The following SUFU variants were observed in gnomAD, a reference collection of about 807,000 sequenced individuals.
The protein encoded by SUFU is suppressor of fused homolog.
SUFU carries 7 observed loss-of-function variants against 58.9 expected under a neutral mutation model. The ratio of observed to expected loss-of-function variants is 0.12; its 90% CI spans 0.07 to 0.22. SUFU has a LOEUF of 0.22. Among genes scored for constraint, SUFU ranks in the 10% least tolerant of loss-of-function variants. The probability of loss-of-function intolerance (pLI) is 1.00; values close to 1 mark genes in which losing one functional copy is unlikely to be tolerated. For synonymous variants in SUFU, 232 were observed against 254.8 expected (o/e 0.91, Z 0.85); for missense variants, 451 against 641.3 (o/e 0.70, Z 3.20).
intron 8 of SUFU, among the ~76,000 whole-genome samples, chr10:102,607,059 A>AT (rs1278053399): frequency 7.9e-6 from 1 of 127,014 alleles, no homozygotes; most frequent in Non-Finnish European, 1.7e-5. Flanking sequence ...TGGTAAGAGT[A>AT]ATTTTTTTTT....
intron 2 of SUFU, among the ~76,000 whole-genome samples, chr10:102,538,937 C>T (rs2062770806): frequency 6.6e-6 from 1 of 152,214 alleles, no homozygotes. Flanking sequence ...AGACTGTGCT[C>T]TGGCACTGCT....
rs545358426 is a variant in SUFU at position 102,599,177 on chromosome 10, C to T, written c.911-256C>T. 3.9e-5 allele frequency among the ~76,000 whole-genome samples: 6 copies of T among 152,240 alleles called. No individual in the cohort carries two copies. The South Asian group carries it at 8.3e-4, about 21-fold the overall frequency. On this transcript the variant is annotated intron_variant, in intron 7 of 11. Coordinates refer to ENST00000369902, the MANE Select transcript of SUFU (RefSeq NM_016169.4). ...CAGGAAAGAAAAGGATGGTGGAGAGCGCTCTTCTGAACTCTAGAGGCTGCC... is the reference window on the plus strand; with the variant it reads ...CAGGAAAGAAAAGGATGGTGGAGAGTGCTCTTCTGAACTCTAGAGGCTGCC...
intron 2 of SUFU, among the ~76,000 whole-genome samples, chr10:102,533,408 CAAAA>C (rs1185623999): frequency 2.0e-5 from 2 of 100,780 alleles, no homozygotes; most frequent in Non-Finnish European, 4.2e-5. Flanking sequence ...CCCATCTCTA[CAAAA>C]AAAAAAAAAA....
chr10:102,572,893 G>A (rs1372815423), intron 3 of SUFU: 2 of 823,500 alleles, frequency 2.4e-6, no homozygotes, highest in East Asian at 4.8e-5. Flanking sequence ...CTTCTTCACA[G>A]CCTATTTGAT....
At chr10:102,503,200 G>C (rs950071626), upstream of SUFU, among the ~76,000 whole-genome samples, 20 of 152,154 alleles carry the variant, frequency 1.3e-4, 1 homozygote, top group African/African-American at 4.3e-4. Flanking sequence ...ACACGTACGC[G>C]AGAGGACATA....
In SUFU at chr10:102,619,762, G is replaced by A. The variant is rs139796435; in HGVS notation, c.1296+2334G>A. Among the ~76,000 whole-genome samples the A allele has an allele frequency of 7.2e-3, 1,103 of 152,324 alleles. 14 individuals carry two copies. The highest frequency in any genetic ancestry group is 0.025 in the African/African-American group (1,022 of 41,572). On this transcript the variant is annotated intron_variant, in intron 10 of 11. Coordinates refer to ENST00000369902, the MANE Select transcript of SUFU (RefSeq NM_016169.4). This position sits in a 1 kb window ranked among gnomAD's most constrained non-coding sequence, Gnocchi z 4.2. ...TAGGGTCCTGCCACTGTGGTCACAG[G>A]CAGCTCCCTTGCTTGTGGGAACCTG...
intron 2 of SUFU, among the ~76,000 whole-genome samples, chr10:102,537,401 G>A (rs1208762114): frequency 1.3e-5 from 2 of 152,042 alleles, no homozygotes; most frequent in African/African-American, 4.8e-5. Context: ...ATAGTGCTGG[G>A]ATTATAGGCA....
intron 6 of SUFU, 47 bp downstream of exon 6, chr10:102,594,112 C>T: frequency 6.3e-7 from 1 of 1,587,380 alleles, no homozygotes; most frequent in Non-Finnish European, 8.7e-7. Context: ...GTGCCTAGGC[C>T]TCTTCCAAAT....
intron 10 of SUFU, among the ~76,000 whole-genome samples, 171 bp from the exon 11 acceptor site, chr10:102,627,004 G>A (rs553848330): frequency 6.6e-6 from 1 of 152,158 alleles, no homozygotes; most frequent in East Asian, 1.9e-4. Flanking sequence ...GTGAGGGTGT[G>A]GGGGGAATGA....
At chr10:102,514,580 C>G (rs2062443061) in intron 2 of SUFU, among the ~76,000 whole-genome samples, 1 of 152,210 alleles carries the variant, frequency 6.6e-6, no homozygotes, top group African/African-American at 2.4e-5. Context: ...AGGCTGCTCC[C>G]AACTGACCTG....
chr10:102,619,348 C>T lies in SUFU; in HGVS notation c.1296+1920C>T. 1 of 1,420,822 alleles carries T rather than the reference C, an allele frequency of 7.0e-7. No homozygotes were observed. Among genetic ancestry groups the T allele is most frequent in the Non-Finnish European group, 9.2e-7 (1 of 1,090,058 alleles). The allele number at this position is 1,420,822 out of a possible 1,614,324, so 88.0% of individuals were successfully genotyped here. On this transcript the variant is annotated intron_variant, in intron 10 of 11. Transcript: ENST00000369902. The surrounding 1 kb of genome is among the most constrained non-coding windows in gnomAD (Gnocchi z 4.2). Reference sequence around the variant, plus strand: ...GAGCCTGAGGCCCAGCACCCGCTGGCTCCCCAGCACATGGTCCCCTCCCAT... The same window carrying T: ...GAGCCTGAGGCCCAGCACCCGCTGGTTCCCCAGCACATGGTCCCCTCCCAT...
chr10:102,567,423 G>A (rs1356994554), intron 3 of SUFU, among the ~76,000 whole-genome samples: 2 of 152,128 alleles, frequency 1.3e-5, no homozygotes, highest in African/African-American at 4.8e-5. Flanking sequence ...AGTACTGCTT[G>A]AGATTCCCTG....
chr10:102,605,312 C>T (rs951561263), intron 8 of SUFU, among the ~76,000 whole-genome samples: 5 of 152,014 alleles, frequency 3.3e-5, no homozygotes, highest in African/African-American at 4.8e-5. Context: ...TCCAGGAGTT[C>T]GAGACCAGCC....
rs546772404 is a variant in SUFU at position 102,598,753 on chromosome 10, C to T, written c.911-680C>T. 3.9e-5 allele frequency among the ~76,000 whole-genome samples: 6 copies of T among 152,320 alleles called. No homozygotes were observed. In the South Asian group the frequency reaches 1.2e-3, roughly 32 times the overall value. On this transcript the variant is annotated intron_variant, in intron 7 of 11. Coordinates refer to ENST00000369902, the MANE Select transcript of SUFU (RefSeq NM_016169.4). ...TAATTTGCTTTTTTGTATCTGTTTACAGTTTGCAGAGGTAAATTTAGATCC... is the reference window on the plus strand; with the variant it reads ...TAATTTGCTTTTTTGTATCTGTTTATAGTTTGCAGAGGTAAATTTAGATCC...
At chr10:102,541,077 A>G (rs1179412000) in intron 2 of SUFU, among the ~76,000 whole-genome samples, 1 of 150,854 alleles carries the variant, frequency 6.6e-6, no homozygotes, top group African/African-American at 2.4e-5. Context: ...GTGTGGTTAT[A>G]TGGTTGATTT....
intron 3 of SUFU, among the ~76,000 whole-genome samples, chr10:102,578,544 C>T (rs548645609): frequency 2.0e-5 from 3 of 152,062 alleles, no homozygotes; most frequent in African/African-American, 4.8e-5. Context: ...CCTGTCTGTA[C>T]TAAAAGTACA....
At chr10:102,557,015 T>C (rs1380264084) in intron 3 of SUFU, among the ~76,000 whole-genome samples, 1 of 151,692 alleles carries the variant, frequency 6.6e-6, no homozygotes, top group African/African-American at 2.4e-5. Context: ...AGAATCACTT[T>C]GAACCTGGGA....
At chr10:102,573,501 T>C (rs2063183412) in intron 3 of SUFU, among the ~76,000 whole-genome samples, 2 of 152,190 alleles carry the variant, frequency 1.3e-5, no homozygotes, top group South Asian at 4.1e-4. Context: ...TCCAAAAGAA[T>C]TGAAAGCAGG....
At chr10:102,513,829 T>G (rs937896767) in intron 2 of SUFU, among the ~76,000 whole-genome samples, 2 of 152,230 alleles carry the variant, frequency 1.3e-5, no homozygotes, top group Non-Finnish European at 2.9e-5. Flanking sequence ...ACTTGTAGTA[T>G]TATTTACTTC....
Sources: allele counts gnomAD v4.1 joint callset (sites outside exome capture counted in the v4.1 genomes callset), GRCh38; gene constraint gnomAD v4.1.1; non-coding constraint Gnocchi (gnomAD v3.1); transcripts MANE v1.5; gene names NCBI Gene and HGNC (gene_info 2026-07-23, HGNC 2026-07-21).